The following ROBO2 variants were observed in gnomAD, a reference collection of about 807,000 sequenced individuals.
The protein encoded by ROBO2 is roundabout homolog 2.
ROBO2 carries 53 observed loss-of-function variants against 160.8 expected under a neutral mutation model. The observed-to-expected ratio is 0.33, with a 90% CI of 0.26 to 0.41. The LOEUF is 0.41. Among genes scored for constraint, ROBO2 ranks in the 10% least tolerant of loss-of-function variants. The probability of loss-of-function intolerance (pLI) is 1.00; values close to 1 mark genes in which losing one functional copy is unlikely to be tolerated. For synonymous variants in ROBO2, 664 were observed against 611.7 expected (o/e 1.09, Z -1.26); for missense variants, 1,577 against 1,722.4 (o/e 0.92, Z 1.49).
chr3:77,447,647 G>A (rs1052693765), intron 2 of ROBO2, among the ~76,000 whole-genome samples: 3 of 152,058 alleles, frequency 2.0e-5, no homozygotes, highest in African/African-American at 7.2e-5. Context: ...AAGTTCTGCA[G>A]GAGCATCAGC....
chr3:77,202,940 G>C (rs551497007), intron 2 of ROBO2, among the ~76,000 whole-genome samples: 8 of 152,188 alleles, frequency 5.3e-5, no homozygotes, highest in Non-Finnish European at 1.2e-4. Context: ...TTTTCCAGCA[G>C]AGATGCCCTT....
At chr3:76,374,335 C>T (rs1441015259) in intron 2 of ROBO2, among the ~76,000 whole-genome samples, 3 of 151,952 alleles carry the variant, frequency 2.0e-5, no homozygotes, top group Non-Finnish European at 4.4e-5. Context: ...TGCCTGGGAT[C>T]TGAATCCCTT....
At chr3:76,734,674 G>A (rs1331089310) in intron 2 of ROBO2, among the ~76,000 whole-genome samples, 1 of 152,130 alleles carries the variant, frequency 6.6e-6, no homozygotes. Context: ...GCAAAGTTGT[G>A]CTTTGTCCCT....
At chr3:77,162,108 A>G (rs576359524) in intron 2 of ROBO2, among the ~76,000 whole-genome samples, 54 of 152,240 alleles carry the variant, frequency 3.5e-4, no homozygotes, top group African/African-American at 1.3e-3. Context: ...AACATTTGCA[A>G]ACCTTCTTAT....
intron 2 of ROBO2, among the ~76,000 whole-genome samples, chr3:77,125,909 A>T (rs1158492761): frequency 6.6e-6 from 1 of 152,176 alleles, no homozygotes; most frequent in African/African-American, 2.4e-5. Context: ...AAGTACTATT[A>T]GTTGTTTCAC....
chr3:77,441,939 T>G (rs1001941879), intron 2 of ROBO2, among the ~76,000 whole-genome samples: 1 of 152,172 alleles, frequency 6.6e-6, no homozygotes, highest in Non-Finnish European at 1.5e-5. Flanking sequence ...TTAAGATAAT[T>G]TTTTATCTTA....
intron 1 of ROBO2, among the ~76,000 whole-genome samples, chr3:77,075,345 G>C (rs2067855627): frequency 6.6e-6 from 1 of 152,080 alleles, no homozygotes. Context: ...GAGGCAATTG[G>C]GAACTTCAGT....
At chr3:75,965,722 C>A (rs1231135715) in intron 2 of ROBO2, among the ~76,000 whole-genome samples, 3 of 151,410 alleles carry the variant, frequency 2.0e-5, no homozygotes, top group Non-Finnish European at 1.5e-5. Flanking sequence ...CTTCGAACAT[C>A]CATATTTTAC....
chr3:76,146,694 T>G (rs1413786462), intron 2 of ROBO2, among the ~76,000 whole-genome samples: 3 of 117,926 alleles, frequency 2.5e-5, no homozygotes, highest in African/African-American at 9.7e-5. Context: ...TGGGATTACA[T>G]AGGGTGTGTG....
intron 2 of ROBO2, among the ~76,000 whole-genome samples, chr3:77,031,776 T>G (rs1353027295): frequency 6.7e-6 from 1 of 150,120 alleles, no homozygotes; most frequent in Non-Finnish European, 1.5e-5. Context: ...TGAAATTCCA[T>G]GGGGAGGTAT....
At chr3:76,868,362 T>G (rs1577134726) in intron 2 of ROBO2, among the ~76,000 whole-genome samples, 1 of 152,222 alleles carries the variant, frequency 6.6e-6, no homozygotes, top group South Asian at 2.1e-4. Context: ...AGTATATTTG[T>G]GTTGATCATT....
intron 2 of ROBO2, among the ~76,000 whole-genome samples, chr3:76,170,006 T>A (rs925457058): frequency 6.6e-6 from 1 of 152,098 alleles, no homozygotes; most frequent in African/African-American, 2.4e-5. Context: ...GGTCTCGATC[T>A]CCTGACCTCA....
At chr3:76,083,493 A>G (rs1334618193) in intron 2 of ROBO2, among the ~76,000 whole-genome samples, 2 of 152,144 alleles carry the variant, frequency 1.3e-5, no homozygotes, top group African/African-American at 4.8e-5. Context: ...TAGCAACAGC[A>G]TGGGAAGGAA....
chr3:77,628,557 A>G (rs940650510), intron 23 of ROBO2, among the ~76,000 whole-genome samples: 1 of 152,052 alleles, frequency 6.6e-6, no homozygotes, highest in Non-Finnish European at 1.5e-5. Context: ...GTAGATGTTC[A>G]ATACATTTTA....
At chr3:76,570,929 CCAT>C (rs2084914957) in intron 2 of ROBO2, among the ~76,000 whole-genome samples, 1 of 152,018 alleles carries the variant, frequency 6.6e-6, no homozygotes, top group Admixed American at 6.5e-5. Flanking sequence ...AATTTTCTTA[CCAT>C]TTCATGTATG....
rs143999257 is a variant in ROBO2, at chr3:76,252,527, A to G, written c.109+314925A>G. Among the ~76,000 whole-genome samples the G allele has an allele frequency of 1.0e-3, 156 of 152,126 alleles. 2 individuals carry two copies. Among genetic ancestry groups the G allele is most frequent in the African/African-American group, 3.6e-3 (150 of 41,530 alleles). On this transcript the variant is annotated intron_variant, in intron 2 of 26. Coordinates refer to the ROBO2 transcript ENST00000487694. ...TTCGTCACAGTTCTCCAGAGAAACA[A>G]TTCCAATATGGTATGTGTGTGCATA...
In ROBO2 at chr3:76,954,488, C is replaced by T. The variant is rs548790796; in HGVS notation, c.110-143526C>T. ...ATGGCATATATTTCTCGCATTACTT[C>T]TAACACTATGTCTGTCTATGTTTGC... On this transcript the variant is annotated intron_variant, in intron 2 of 26. Transcript: ENST00000487694. 2.0e-5 allele frequency among the ~76,000 whole-genome samples: 3 copies of T among 152,318 alleles called. No homozygotes were observed. In the South Asian group the frequency reaches 6.2e-4, roughly 32 times the overall value.
At chr3:76,746,680 G>T (rs2324662) in intron 2 of ROBO2, among the ~76,000 whole-genome samples, 102,315 of 152,002 alleles carry the variant, frequency 0.67, 34,893 homozygotes, top group African/African-American at 0.79. Flanking sequence ...AGGGTACATA[G>T]GCAGGATGTT....
chr3:77,091,908 A>G (rs1311586886), intron 1 of ROBO2: 1 of 151,980 alleles, frequency 6.6e-6, no homozygotes, highest in African/African-American at 2.4e-5. Context: ...TCAACCTGGG[A>G]GACGGAGGTT....
Sources: gnomAD v4.1 joint callset for allele counts (sites outside exome capture counted in the v4.1 genomes callset) on GRCh38, gnomAD v4.1.1 for gene constraint, MANE v1.5 for transcripts, NCBI Gene and HGNC (gene_info 2026-07-23, HGNC 2026-07-21) for gene names.